The following CSMD1 variants were observed in gnomAD, a reference collection of about 807,000 sequenced individuals.
CSMD1 encodes the protein CUB and sushi domain-containing protein 1.
Under a neutral mutation model 417.5 loss-of-function variants are expected in CSMD1, and 213 were observed. The ratio of observed to expected loss-of-function variants is 0.51; its 90% confidence interval spans 0.46 to 0.57. The LOEUF (loss-of-function observed/expected upper bound fraction) is 0.57. CSMD1 is among the 20% of genes least tolerant of loss of function. The pLI, the probability that CSMD1 is intolerant of heterozygous loss-of-function variation, is 0.00. For missense variants in CSMD1, 6,923 were observed against 4,529.7 expected, an observed-to-expected ratio of 1.53 and a Z score of -15.17; for synonymous variants, 2,862 against 1,736.8, an observed-to-expected ratio of 1.65 and a Z score of -16.11.
chr8:4,446,733 C>T (rs1012236036), intron 2 of CSMD1, among the ~76,000 whole-genome samples: 1 of 134,038 alleles, frequency 7.5e-6, no homozygotes, highest in African/African-American at 2.8e-5. Flanking sequence ...GTGTGTGTGT[C>T]TGTGTGTGTG....
intron 7 of CSMD1, among the ~76,000 whole-genome samples, chr8:3,696,062 T>C (rs1296193625): frequency 6.6e-6 from 1 of 151,816 alleles, no homozygotes; most frequent in Non-Finnish European, 1.5e-5. Flanking sequence ...CTGTTAAGAT[T>C]TTCTTATGGG....
intron 5 of CSMD1, among the ~76,000 whole-genome samples, chr8:3,877,036 T>C (rs979472337): frequency 1.3e-5 from 2 of 152,226 alleles, no homozygotes; most frequent in African/African-American, 4.8e-5. Flanking sequence ...TCATTTCGTA[T>C]AGTGTTTTTT....
At chr8:3,444,072 C>A (rs1274304332) in intron 12 of CSMD1, among the ~76,000 whole-genome samples, 2 of 151,920 alleles carry the variant, frequency 1.3e-5, no homozygotes, top group African/African-American at 4.8e-5. Context: ...TTGTTCTATA[C>A]ACACACACAC....
intron 1 of CSMD1, among the ~76,000 whole-genome samples, chr8:4,916,270 G>A (rs989249716): frequency 8.7e-5 from 13 of 149,110 alleles, no homozygotes; most frequent in African/African-American, 3.4e-4. Flanking sequence ...ACAAGAACAC[G>A]GGGTAATATC....
intron 12 of CSMD1, among the ~76,000 whole-genome samples, chr8:3,453,702 T>C (rs1392865341): frequency 6.6e-6 from 1 of 152,236 alleles, no homozygotes; most frequent in Non-Finnish European, 1.5e-5. Flanking sequence ...TCTGTACTTT[T>C]ACATTTGCTG....
At chr8:3,721,069 C>T (rs1208096912) in intron 6 of CSMD1, among the ~76,000 whole-genome samples, 9 of 152,006 alleles carry the variant, frequency 5.9e-5, no homozygotes, top group Non-Finnish European at 1.0e-4. Context: ...GTGATCTGCC[C>T]GCCTCGGCCT....
At position 4,970,273 on chromosome 8, in the gene CSMD1, G is replaced by C. The variant is rs538721444; in HGVS notation, c.85+24059C>G. Among the ~76,000 whole-genome samples, 12 of 152,198 alleles carry C rather than the reference G, an allele frequency of 7.9e-5. No homozygotes were observed. In the East Asian group the frequency reaches 1.9e-3, roughly 25 times the overall value. On this transcript the variant is annotated intron_variant, in intron 1 of 69. Coordinates refer to ENST00000635120, the MANE Select transcript of CSMD1 (RefSeq NM_033225.6). Reference sequence around the variant, plus strand: ...AGTTGTGAGTCTCTTTGATCTGCCTGTAAGTGATAGATCATTTGTCTGTAA... The same window carrying C: ...AGTTGTGAGTCTCTTTGATCTGCCTCTAAGTGATAGATCATTTGTCTGTAA...
intron 1 of CSMD1, among the ~76,000 whole-genome samples, chr8:4,915,625 G>C (rs572530180): frequency 1.3e-5 from 2 of 152,332 alleles, no homozygotes; most frequent in Admixed American, 6.5e-5. Flanking sequence ...CTCTGGGCTA[G>C]CAGTTCCCAA....
intron 30 of CSMD1, among the ~76,000 whole-genome samples, chr8:3,211,908 G>A (rs1259083621): frequency 6.6e-6 from 1 of 152,198 alleles, no homozygotes; most frequent in Non-Finnish European, 1.5e-5. Flanking sequence ...CCAGGCTGGT[G>A]GCAAGACAAG....
intron 3 of CSMD1, among the ~76,000 whole-genome samples, chr8:4,110,915 T>C (rs1243278628): frequency 6.6e-6 from 1 of 152,142 alleles, no homozygotes; most frequent in African/African-American, 2.4e-5. Context: ...AGTGAGACAA[T>C]GACATTCTAG....
intron 2 of CSMD1, among the ~76,000 whole-genome samples, chr8:4,627,544 G>C (rs537144671): frequency 6.6e-6 from 1 of 152,048 alleles, no homozygotes; most frequent in Non-Finnish European, 1.5e-5. Flanking sequence ...CCTTTTGAAA[G>C]ACAATGTAAA....
intron 3 of CSMD1, among the ~76,000 whole-genome samples, chr8:4,285,471 G>GA (rs955499541): frequency 7.2e-5 from 11 of 152,038 alleles, no homozygotes; most frequent in African/African-American, 1.2e-4. Flanking sequence ...AAATAATACA[G>GA]AAAAAAAGTG....
At chr8:3,398,911 A>G (rs1811864518) in intron 16 of CSMD1, among the ~76,000 whole-genome samples, 1 of 152,312 alleles carries the variant, frequency 6.6e-6, no homozygotes, top group African/African-American at 2.4e-5. Context: ...AATGTCACTC[A>G]TAGGCGATTA....
At chr8:3,111,369 T>A (rs1406114987) in intron 42 of CSMD1, among the ~76,000 whole-genome samples, 1 of 147,234 alleles carries the variant, frequency 6.8e-6, no homozygotes, top group Admixed American at 6.9e-5. Flanking sequence ...AGGGACTGTA[T>A]GTAGAGACTA....
intron 23 of CSMD1, among the ~76,000 whole-genome samples, chr8:3,318,470 A>T (rs1584991392): frequency 6.6e-6 from 1 of 152,208 alleles, no homozygotes; most frequent in Admixed American, 6.5e-5. Flanking sequence ...TGCTCACCAG[A>T]AACTCATAGT....
At chr8:4,837,775 A>C (rs911333964) in intron 1 of CSMD1, among the ~76,000 whole-genome samples, 11 of 152,342 alleles carry the variant, frequency 7.2e-5, no homozygotes, top group Non-Finnish European at 1.5e-4. Context: ...TTTGTAACTC[A>C]AAGGATAAAT....
chr8:4,487,997 T>C (rs1801501520), intron 2 of CSMD1, among the ~76,000 whole-genome samples: 1 of 152,176 alleles, frequency 6.6e-6, no homozygotes, highest in Non-Finnish European at 1.5e-5. Flanking sequence ...ATTAAGGTGA[T>C]GCTATTATGA....
intron 1 of CSMD1, among the ~76,000 whole-genome samples, chr8:4,830,477 G>C (rs968199968): frequency 6.6e-6 from 1 of 152,178 alleles, no homozygotes; most frequent in African/African-American, 2.4e-5. Flanking sequence ...CTTTTTGCTA[G>C]ATTGTCATCA....
At chr8:4,070,551 G>A (rs879315446) in intron 3 of CSMD1, among the ~76,000 whole-genome samples, 1 of 152,076 alleles carries the variant, frequency 6.6e-6, no homozygotes, top group Non-Finnish European at 1.5e-5. Context: ...TAGAGACGGG[G>A]TTTCACCGTG....
Sources: gnomAD v4.1 joint callset for allele counts (sites outside exome capture counted in the v4.1 genomes callset) on GRCh38, gnomAD v4.1.1 for gene constraint, MANE v1.5 for transcripts, NCBI Gene and HGNC (gene_info 2026-07-23, HGNC 2026-07-21) for gene names.